The following TENM3 variants were observed in gnomAD, a reference collection of about 807,000 sequenced individuals.
The protein encoded by TENM3 is teneurin transmembrane protein 3, also known as teneurin-3.
TENM3 carries 63 observed loss-of-function variants against 255.1 expected under a neutral mutation model. That is an observed-to-expected ratio of 0.25 (90% CI 0.20 to 0.30). TENM3 has a LOEUF of 0.30. Among genes scored for constraint, TENM3 ranks in the 10% least tolerant of loss-of-function variants. The pLI is 1.00. For synonymous variants in TENM3, 1,306 were observed against 1,322.3 expected (o/e 0.99, Z 0.27); for missense variants, 2,929 against 3,461.1 (o/e 0.85, Z 3.86).
At chr4:182,750,927 T>C (rs1005263870) in intron 19 of TENM3, among the ~76,000 whole-genome samples, 3 of 152,246 alleles carry the variant, frequency 2.0e-5, no homozygotes, top group Middle Eastern at 3.2e-3. Context: ...AATGTGGCAT[T>C]GAGTGTCTGT....
intron 1 of TENM3, among the ~76,000 whole-genome samples, chr4:182,221,231 G>A (rs1755835165): frequency 6.6e-6 from 1 of 152,220 alleles, no homozygotes; most frequent in Non-Finnish European, 1.5e-5. Context: ...GCTCTTTAGA[G>A]GCCCCCTGCT....
chr4:182,011,901 C>A, the TENM3 span, among the ~76,000 whole-genome samples: 175 of 152,204 alleles, frequency 1.1e-3, 3 homozygotes, highest in Non-Finnish European at 1.9e-4. Flanking sequence ...CCCTTGTTTG[C>A]GGACACCTAT....
chr4:182,578,293 C>T (rs1745139718), intron 3 of TENM3, among the ~76,000 whole-genome samples: 1 of 152,048 alleles, frequency 6.6e-6, no homozygotes, highest in Admixed American at 6.6e-5. Context: ...AATTTTGATT[C>T]CTTCTCCAGC....
intron 3 of TENM3, among the ~76,000 whole-genome samples, chr4:182,537,817 G>A (rs1416862596): frequency 1.3e-5 from 2 of 152,122 alleles, no homozygotes; most frequent in Admixed American, 1.3e-4. Flanking sequence ...AGCGTGTTAA[G>A]TTTCCAGGTA....
At chr4:182,044,369 T>C in the TENM3 span, among the ~76,000 whole-genome samples, 1 of 152,232 alleles carries the variant, frequency 6.6e-6, no homozygotes, top group African/African-American at 2.4e-5. Context: ...GTGGGTATGC[T>C]CTTACTGCAT....
the TENM3 span, among the ~76,000 whole-genome samples, chr4:181,664,901 T>C: frequency 1.3e-5 from 2 of 152,218 alleles, no homozygotes; most frequent in Non-Finnish European, 1.5e-5. Context: ...TTAATTCTTA[T>C]GCTCCCTTAA....
At chr4:181,829,706 A>G in the TENM3 span, among the ~76,000 whole-genome samples, 1 of 152,144 alleles carries the variant, frequency 6.6e-6, no homozygotes, top group Non-Finnish European at 1.5e-5. Context: ...CTTCCCATTC[A>G]GTCCTCCCAT....
intron 3 of TENM3, among the ~76,000 whole-genome samples, chr4:182,589,895 A>C (rs191169355): frequency 1.8e-3 from 271 of 152,070 alleles, no homozygotes; most frequent in Middle Eastern, 3.4e-3. Context: ...AATCGCTTGT[A>C]CCCGGGAGGC....
At chr4:182,249,944 T>C (rs1349083328) in intron 1 of TENM3, among the ~76,000 whole-genome samples, 1 of 151,472 alleles carries the variant, frequency 6.6e-6, no homozygotes, top group African/African-American at 2.4e-5. Flanking sequence ...TTTTAAGAGA[T>C]GGAGTCTCGC....
intron 3 of TENM3, among the ~76,000 whole-genome samples, chr4:182,537,451 T>TA (rs1454002749): frequency 6.6e-6 from 1 of 152,198 alleles, no homozygotes. Context: ...TACTTTATCT[T>TA]TCTGTTTCGT....
At chr4:182,394,347 C>A (rs114809230) in intron 3 of TENM3, among the ~76,000 whole-genome samples, 1 of 152,066 alleles carries the variant, frequency 6.6e-6, no homozygotes, top group Admixed American at 6.6e-5. Context: ...ACTGATCTTA[C>A]GCAATTGAAA....
intron 3 of TENM3, among the ~76,000 whole-genome samples, chr4:182,366,362 C>G (rs1766430261): frequency 6.6e-6 from 1 of 151,486 alleles, no homozygotes; most frequent in Non-Finnish European, 1.5e-5. Flanking sequence ...TTTATATGTA[C>G]AAATATAATT....
the TENM3 span, among the ~76,000 whole-genome samples, chr4:181,662,570 A>G: frequency 1.3e-5 from 2 of 152,312 alleles, no homozygotes; most frequent in African/African-American, 4.8e-5. Context: ...CTGGGCAAAG[A>G]CCCAAGACTA....
chr4:181,824,122 G>A, the TENM3 span, among the ~76,000 whole-genome samples: 2 of 152,018 alleles, frequency 1.3e-5, no homozygotes, highest in Non-Finnish European at 2.9e-5. Flanking sequence ...TATTTTTTGA[G>A]ATGGAGTCTC....
the TENM3 span, among the ~76,000 whole-genome samples, chr4:181,888,883 AC>A: frequency 2.6e-5 from 4 of 151,600 alleles, no homozygotes; most frequent in African/African-American, 2.4e-5. Flanking sequence ...CCTTCCCTCC[AC>A]ATTTTTGTTC....
chr4:181,789,668 A>AT, the TENM3 span, among the ~76,000 whole-genome samples: 31 of 152,078 alleles, frequency 2.0e-4, no homozygotes, highest in South Asian at 8.3e-4. Flanking sequence ...CAGGGTTGGG[A>AT]TTTTCAGCCC....
the TENM3 span, chr4:181,980,051 C>T: frequency 6.6e-6 from 1 of 152,234 alleles, no homozygotes; most frequent in Admixed American, 6.5e-5. Context: ...CAAACGGAAA[C>T]TGAACCCACT....
the TENM3 span, among the ~76,000 whole-genome samples, chr4:181,448,154 ATTTTTTTTTTTTT>A: frequency 3.3e-5 from 3 of 90,064 alleles, no homozygotes; most frequent in African/African-American, 4.8e-5. Flanking sequence ...AAATCCAGTA[ATTTTTTTTTTTTT>A]TTTTTTTTTT....
intron 23 of TENM3, 137 bp downstream of exon 23, chr4:182,773,784 G>A: frequency 4.4e-6 from 3 of 678,142 alleles, no homozygotes; most frequent in African/African-American, 1.8e-5. Context: ...ATAATCTACA[G>A]TGTACATGTA....
Sources: gnomAD v4.1 joint callset for allele counts (sites outside exome capture counted in the v4.1 genomes callset) on GRCh38, gnomAD v4.1.1 for gene constraint, MANE v1.5 for transcripts, NCBI Gene and HGNC (gene_info 2026-07-23, HGNC 2026-07-21) for gene names.